FAM185A: variants seen among roughly 807,000 people sequenced by gnomAD.
FAM185A encodes protein FAM185A.
FAM185A carries 21 observed loss-of-function variants against 45.7 expected under a neutral mutation model. That is an observed-to-expected ratio of 0.46 (90% CI 0.33 to 0.66). The LOEUF (loss-of-function observed/expected upper bound fraction) is 0.66. Ranked by LOEUF, FAM185A falls within the 30% of genes least tolerant of loss-of-function variation. The pLI is 0.03. For synonymous variants in FAM185A, 117 were observed against 194.0 expected, an observed-to-expected ratio of 0.60 and a Z score of 3.30; for missense variants, 305 against 485.4, an observed-to-expected ratio of 0.63 and a Z score of 3.49.
chr7:102,837,431 A>G, the FAM185A span, among the ~76,000 whole-genome samples: 1 of 152,260 alleles, frequency 6.6e-6, no homozygotes, highest in Non-Finnish European at 1.5e-5. Flanking sequence ...TTTCATGATG[A>G]AATTTGTTAT....
chr7:102,785,556 C>T (rs1795732839), intron 6 of FAM185A, among the ~76,000 whole-genome samples: 1 of 151,944 alleles, frequency 6.6e-6, no homozygotes, highest in Non-Finnish European at 1.5e-5. Context: ...CTTTGACAAA[C>T]CTGACAAAAA....
chr7:102,846,892 G>A, the FAM185A span, among the ~76,000 whole-genome samples: 6 of 152,052 alleles, frequency 3.9e-5, no homozygotes, highest in East Asian at 1.9e-4. Flanking sequence ...GCTCACTGAC[G>A]GTGGCTGTCT....
At chr7:102,824,785 CTTTTTTTTTT>C in the FAM185A span, among the ~76,000 whole-genome samples, 1 of 124,116 alleles carries the variant, frequency 8.1e-6, no homozygotes, top group Non-Finnish European at 1.7e-5. Flanking sequence ...CATGCCCGGC[CTTTTTTTTTT>C]TTTTTTTTTT....
the FAM185A span, among the ~76,000 whole-genome samples, chr7:102,817,986 G>T: frequency 1.3e-5 from 2 of 152,136 alleles, no homozygotes; most frequent in Non-Finnish European, 2.9e-5. Flanking sequence ...CACATTAGAT[G>T]GTTAATAATA....
intron 2 of FAM185A, among the ~76,000 whole-genome samples, chr7:102,753,881 T>A (rs574227972): frequency 6.6e-6 from 1 of 152,334 alleles, no homozygotes; most frequent in East Asian, 1.9e-4. Context: ...CATTTTCTAT[T>A]TATTCCTTGA....
chr7:102,758,180 A>C (rs973368534), intron 3 of FAM185A, among the ~76,000 whole-genome samples: 1 of 152,118 alleles, frequency 6.6e-6, no homozygotes, highest in African/African-American at 2.4e-5. Context: ...AATCAATAAA[A>C]ACTTAAATGC....
chr7:102,752,591 T>A (rs957979014), intron 2 of FAM185A, among the ~76,000 whole-genome samples: 2 of 151,674 alleles, frequency 1.3e-5, no homozygotes, highest in Non-Finnish European at 2.9e-5. Context: ...TTTTTTTTTT[T>A]TTTAGTGTTT....
intron 2 of FAM185A, among the ~76,000 whole-genome samples, chr7:102,757,345 A>G (rs145664357): frequency 3.9e-5 from 6 of 152,296 alleles, no homozygotes; most frequent in East Asian, 1.9e-4. Context: ...AAAGTGATTT[A>G]CCTTTCTGAA....
At chr7:102,763,523 G>A (rs1170983444) in intron 4 of FAM185A, among the ~76,000 whole-genome samples, 3 of 152,176 alleles carry the variant, frequency 2.0e-5, no homozygotes, top group Non-Finnish European at 2.9e-5. Flanking sequence ...TACAGTTTCA[G>A]TAACCCACAC....
chr7:102,817,266 CTTTTA>C, the FAM185A span, among the ~76,000 whole-genome samples: 1 of 152,246 alleles, frequency 6.6e-6, no homozygotes, highest in East Asian at 1.9e-4. Flanking sequence ...TCACCAGCAT[CTTTTA>C]TTTTTTGACT....
At chr7:102,796,653 G>T (rs1277219697) in intron 7 of FAM185A, among the ~76,000 whole-genome samples, 1 of 152,148 alleles carries the variant, frequency 6.6e-6, no homozygotes, top group Admixed American at 6.6e-5. Context: ...TGCAGAGGTG[G>T]TTTCAATGTC....
intron 6 of FAM185A, among the ~76,000 whole-genome samples, chr7:102,785,725 C>T (rs1424545634): frequency 6.6e-6 from 1 of 152,080 alleles, no homozygotes; most frequent in East Asian, 1.9e-4. Flanking sequence ...ACCATAAAAT[C>T]CCTAGAAGAA....
chr7:102,749,088 C>T lies in FAM185A; in HGVS notation c.-120C>T, dbSNP rs779967951. On this transcript the variant is annotated 5_prime_UTR_variant, in exon 1 of 8. Coordinates refer to ENST00000413034, the MANE Select transcript of FAM185A (RefSeq NM_001145268.2). ...GCCAACCGGCTCGCTCTTGTTTCAGCAAACCCTGACTTACGTCTCCTATTT... is the reference window on the plus strand; with the variant it reads ...GCCAACCGGCTCGCTCTTGTTTCAGTAAACCCTGACTTACGTCTCCTATTT... The T allele has an allele frequency of 2.8e-6, 4 of 1,425,806 alleles. No homozygotes were observed. Among genetic ancestry groups the T allele is most frequent in the South Asian group, 1.2e-5 (1 of 80,810 alleles). 88.3% of individuals were successfully genotyped at this position (1,425,806 alleles called of 1,614,324 possible).
chr7:102,784,208 A>G (rs1275216638), intron 6 of FAM185A, among the ~76,000 whole-genome samples: 8 of 151,738 alleles, frequency 5.3e-5, no homozygotes, highest in African/African-American at 1.9e-4. Context: ...TACCAACCAA[A>G]AAAAGTCCAG....
intron 5 of FAM185A, among the ~76,000 whole-genome samples, chr7:102,773,541 TG>T (rs1292716605): frequency 6.6e-6 from 1 of 152,084 alleles, no homozygotes; most frequent in Non-Finnish European, 1.5e-5. Flanking sequence ...ATTTTATGGA[TG>T]TATATATATT....
the FAM185A span, among the ~76,000 whole-genome samples, chr7:102,829,657 T>C: frequency 6.6e-6 from 1 of 152,166 alleles, no homozygotes; most frequent in Non-Finnish European, 1.5e-5. Flanking sequence ...TTGTTTTCCT[T>C]GGCATTTTAG....
chr7:102,754,004 G>A (rs1202462180), intron 2 of FAM185A, among the ~76,000 whole-genome samples: 1 of 152,080 alleles, frequency 6.6e-6, no homozygotes, highest in Non-Finnish European at 1.5e-5. Context: ...GGTATACCAA[G>A]GGTTAAGAGA....
At chr7:102,831,365 G>C in the FAM185A span, among the ~76,000 whole-genome samples, 1 of 150,050 alleles carries the variant, frequency 6.7e-6, no homozygotes, top group African/African-American at 2.5e-5. Flanking sequence ...TAGAGGGCAG[G>C]CATGCTGTTA....
chr7:102,780,169 G>C (rs902763354), intron 6 of FAM185A, among the ~76,000 whole-genome samples: 7 of 152,108 alleles, frequency 4.6e-5, no homozygotes, highest in Middle Eastern at 3.2e-3. Flanking sequence ...ATGTTAGCCA[G>C]ATTGGAAGGA....
Sources: allele counts gnomAD v4.1 joint callset (sites outside exome capture counted in the v4.1 genomes callset), GRCh38; gene constraint gnomAD v4.1.1; transcripts MANE v1.5; gene names NCBI Gene and HGNC (gene_info 2026-07-23, HGNC 2026-07-21).